CELF2: variants seen among roughly 807,000 people sequenced by gnomAD.
The protein encoded by CELF2 is CUGBP Elav-like family member 2.
A neutral mutation model predicts 62.6 loss-of-function variants in CELF2; 8 were observed. That is an observed-to-expected ratio of 0.13 (90% CI 0.07 to 0.23). The LOEUF is 0.23. Ranked by LOEUF, CELF2 falls within the 10% of genes least tolerant of loss-of-function variation. CELF2 has a pLI of 1.00. For missense variants in CELF2, 333 were observed against 671.0 expected, an observed-to-expected ratio of 0.50 and a Z score of 5.56; for synonymous variants, 258 against 250.0, an observed-to-expected ratio of 1.03 and a Z score of -0.30.
chr10:10,686,115 GAGA>G, the CELF2 span, among the ~76,000 whole-genome samples: 1 of 152,066 alleles, frequency 6.6e-6, no homozygotes, highest in African/African-American at 2.4e-5. Flanking sequence ...GTAATAACGT[GAGA>G]AGATGATTTC....
At chr10:10,976,165 A>C (rs1373569987) in intron 2 of CELF2, among the ~76,000 whole-genome samples, 7 of 152,202 alleles carry the variant, frequency 4.6e-5, no homozygotes, top group Non-Finnish European at 1.0e-4. Context: ...CTGGTGTCTT[A>C]ACTTCATCCC....
intron 1 of CELF2, among the ~76,000 whole-genome samples, chr10:10,862,771 A>G (rs1464640150): frequency 6.6e-6 from 1 of 152,234 alleles, no homozygotes; most frequent in Admixed American, 6.5e-5. Context: ...AGAAAAGCAG[A>G]TATTCCCATG....
At chr10:10,530,258 T>A in the CELF2 span, among the ~76,000 whole-genome samples, 1 of 152,174 alleles carries the variant, frequency 6.6e-6, no homozygotes, top group Non-Finnish European at 1.5e-5. Flanking sequence ...ACGATGCTTG[T>A]TTTTATACAG....
the CELF2 span, among the ~76,000 whole-genome samples, chr10:10,472,070 G>A: frequency 3.3e-5 from 5 of 151,718 alleles, no homozygotes; most frequent in South Asian, 2.1e-4. Flanking sequence ...AGGTGCTTAC[G>A]AATAGTTTTC....
rs1216427440 is a variant in CELF2 at position 11,211,027 on chromosome 10, G to T, written c.272-6398G>T. 6.6e-6 allele frequency among the ~76,000 whole-genome samples: 1 copy of T among 152,098 alleles called. No homozygotes were observed. Among genetic ancestry groups the T allele is most frequent in the African/African-American group, 2.4e-5 (1 of 41,422 alleles). ...TGCTCAGTGGCTCATGCCTGTAATC[G>T]TAGCACTTTGGGAGGCCAAGGCAGG... On this transcript the variant is annotated intron_variant, in intron 2 of 12. Coordinates refer to ENST00000633077, the MANE Select transcript of CELF2 (RefSeq NM_001326342.2). The surrounding 1 kb of genome is among the most constrained non-coding windows in gnomAD (Gnocchi z 4.8).
At chr10:10,817,998 G>A (rs1479108457) in intron 1 of CELF2, among the ~76,000 whole-genome samples, 3 of 152,068 alleles carry the variant, frequency 2.0e-5, no homozygotes, top group Non-Finnish European at 4.4e-5. Context: ...ACCTTACAAA[G>A]CACCTAGCAC....
At chr10:10,776,508 G>A in the CELF2 span, 2 of 154,020 alleles carry the variant, frequency 1.3e-5, no homozygotes, top group African/African-American at 4.8e-5. Flanking sequence ...CCCAGATTAT[G>A]TATAATATTT....
chr10:10,629,983 A>C, the CELF2 span, among the ~76,000 whole-genome samples: 2 of 150,508 alleles, frequency 1.3e-5, no homozygotes, highest in Admixed American at 6.7e-5. Context: ...AAAAATTTGT[A>C]CCTCCTATTA....
chr10:11,162,082 T>C (rs1283026059), intron 1 of CELF2, among the ~76,000 whole-genome samples: 3 of 152,130 alleles, frequency 2.0e-5, no homozygotes, highest in African/African-American at 7.2e-5. Context: ...ACTGTGGGGA[T>C]TCAGGGCATG....
chr10:11,013,274 GAGAA>G (rs1231087380), upstream of CELF2, among the ~76,000 whole-genome samples: 1 of 152,208 alleles, frequency 6.6e-6, no homozygotes, highest in African/African-American at 2.4e-5. The surrounding 1 kb of genome is among the most constrained non-coding windows in gnomAD (Gnocchi z 4.1). Context: ...AGAGAAAGCT[GAGAA>G]AGAAAGAAAT....
upstream of CELF2, among the ~76,000 whole-genome samples, chr10:11,015,968 G>T (rs181001639): frequency 9.6e-4 from 146 of 152,304 alleles, no homozygotes; most frequent in Non-Finnish European, 1.7e-3. The surrounding 1 kb of genome is among the most constrained non-coding windows in gnomAD (Gnocchi z 4.8). Context: ...TAGCCTTTAT[G>T]CTATGGCTGA....
chr10:10,807,651 A>T (rs772897236), intron 1 of CELF2, among the ~76,000 whole-genome samples: 2 of 152,236 alleles, frequency 1.3e-5, no homozygotes, highest in Non-Finnish European at 2.9e-5. Flanking sequence ...TTTGGATGAC[A>T]GATAGCTTAA....
the CELF2 span, among the ~76,000 whole-genome samples, chr10:10,657,641 T>C: frequency 6.6e-6 from 1 of 152,134 alleles, no homozygotes; most frequent in African/African-American, 2.4e-5. Context: ...AAAGTTTAAG[T>C]ATATACCAAA....
chr10:10,519,610 T>C, the CELF2 span, among the ~76,000 whole-genome samples: 1 of 152,192 alleles, frequency 6.6e-6, no homozygotes, highest in African/African-American at 2.4e-5. Context: ...GGTTCCATTC[T>C]CCTCAAAGCT....
intron 2 of CELF2, among the ~76,000 whole-genome samples, chr10:11,176,644 TAAAGGCTG>T (rs2133869695): frequency 6.6e-6 from 1 of 152,334 alleles, no homozygotes; most frequent in South Asian, 2.1e-4. Context: ...GGAAACTGAA[TAAAGGCTG>T]CTAGGTAGTG....
At chr10:10,639,831 G>A in the CELF2 span, among the ~76,000 whole-genome samples, 6 of 152,224 alleles carry the variant, frequency 3.9e-5, no homozygotes, top group East Asian at 1.2e-3. Context: ...ACTCACTAGG[G>A]ACCGTCAATG....
chr10:10,838,269 C>T (rs1323928684), intron 1 of CELF2, among the ~76,000 whole-genome samples: 1 of 152,218 alleles, frequency 6.6e-6, no homozygotes, highest in East Asian at 1.9e-4. Context: ...TGAAGGACCA[C>T]CATTCCCATC....
At chr10:11,003,249 T>C (rs1332929205), upstream of CELF2, among the ~76,000 whole-genome samples, 1 of 152,158 alleles carries the variant, frequency 6.6e-6, no homozygotes, top group Admixed American at 6.5e-5. The surrounding 1 kb of genome is among the most constrained non-coding windows in gnomAD (Gnocchi z 4.4). Context: ...TCAGTTCCAG[T>C]CCTTACTACC....
At chr10:11,301,942 G>A (rs1380707979) in intron 9 of CELF2, among the ~76,000 whole-genome samples, 1 of 152,126 alleles carries the variant, frequency 6.6e-6, no homozygotes, top group African/African-American at 2.4e-5. Context: ...CAGACAGGGC[G>A]CCCAGGTCAG....
Sources: allele counts gnomAD v4.1 joint callset (sites outside exome capture counted in the v4.1 genomes callset), GRCh38; gene constraint gnomAD v4.1.1; non-coding constraint Gnocchi (gnomAD v3.1); transcripts MANE v1.5; gene names NCBI Gene and HGNC (gene_info 2026-07-23, HGNC 2026-07-21).